Variants in MYO10 observed in about 807,000 individuals in gnomAD.
MYO10 encodes the protein unconventional myosin-X.
A neutral mutation model predicts 257.3 loss-of-function variants in MYO10; 133 were observed. That is an observed-to-expected ratio of 0.52 (90% CI 0.45 to 0.60). The LOEUF is 0.60. MYO10 is among the 20% of genes least tolerant of loss of function. The probability of loss-of-function intolerance (pLI) is 0.00; values close to 1 mark genes in which losing one functional copy is unlikely to be tolerated. For synonymous variants in MYO10, 1,104 were observed against 1,028.6 expected (o/e 1.07, Z -1.40); for missense variants, 2,399 against 2,635.7 (o/e 0.91, Z 1.97).
Position 16,701,786 on chromosome 5 carries a change from T to C in MYO10, c.2609A>G (p.Lys870Arg). 6.2e-7 allele frequency: 1 copy of C among 1,612,942 alleles called. No individual in the cohort carries two copies. Among genetic ancestry groups the C allele is most frequent in the South Asian group, 1.1e-5 (1 of 90,848 alleles). The change falls in exon 25 of 41, where the codon AAG becomes AGG. Residue 870 changes from lysine (K) to arginine (R), a missense_variant. Physicochemically the swap from Lys to Arg is conservative, Grantham distance 26. Around this residue, in one of 3 missense-constraint regions of MYO10, gnomAD observed 1,820 missense variants for 1,939.4 expected, o/e 0.94. Coordinates refer to ENST00000513610, the MANE Select transcript of MYO10 (RefSeq NM_012334.3). The surrounding 1 kb of genome is among the most constrained non-coding windows in gnomAD (Gnocchi z 8.1). ...QELEALQKSQ[K>R]EAELTRELEK... Reference sequence around the variant, plus strand: ...CAGTTCACGGGTCAGTTCAGCTTCCTTCTGGCTCTTCTGCAAGGCTTCGAG... The same window carrying C: ...CAGTTCACGGGTCAGTTCAGCTTCCCTCTGGCTCTTCTGCAAGGCTTCGAG...
chr5:16,758,796 G>A (rs1381239541), intron 17 of MYO10, among the ~76,000 whole-genome samples: 2 of 152,110 alleles, frequency 1.3e-5, no homozygotes, highest in African/African-American at 2.4e-5. Flanking sequence ...AGAATGAAAG[G>A]AGAACATGCA....
intron 1 of MYO10, among the ~76,000 whole-genome samples, chr5:16,912,173 G>C (rs1386857055): frequency 6.6e-6 from 1 of 152,124 alleles, no homozygotes; most frequent in Non-Finnish European, 1.5e-5. Context: ...CAAAAGATTG[G>C]ACACCCTGAT....
chr5:16,749,571 A>G (rs1740323174), intron 19 of MYO10, among the ~76,000 whole-genome samples: 1 of 151,962 alleles, frequency 6.6e-6, no homozygotes, highest in Non-Finnish European at 1.5e-5. Flanking sequence ...TCCCAGAAAC[A>G]TTAGGTGATT....
intron 36 of MYO10, among the ~76,000 whole-genome samples, 200 bp downstream of exon 36, chr5:16,673,482 T>C (rs1736568755): frequency 6.6e-6 from 1 of 152,182 alleles, no homozygotes; most frequent in Non-Finnish European, 1.5e-5. Context: ...TATCTCTGTG[T>C]TTCCACTCAA....
At chr5:16,896,052 G>GA (rs1198933390) in intron 1 of MYO10, among the ~76,000 whole-genome samples, 2 of 152,148 alleles carry the variant, frequency 1.3e-5, no homozygotes, top group East Asian at 3.9e-4. Context: ...TCTGCTCTCT[G>GA]AAAAATGGAG....
chr5:16,921,273 T>C (rs965941025), intron 1 of MYO10, among the ~76,000 whole-genome samples: 21 of 152,154 alleles, frequency 1.4e-4, no homozygotes, highest in African/African-American at 5.1e-4. Flanking sequence ...ACCTTTTTCC[T>C]AGTGGAGAAC....
At chr5:16,763,061 G>C (rs993452713) in intron 14 of MYO10, among the ~76,000 whole-genome samples, 3 of 151,632 alleles carry the variant, frequency 2.0e-5, no homozygotes, top group African/African-American at 7.3e-5. Context: ...TAAAAGAAAA[G>C]GCATGGTAAT....
chr5:16,852,560 T>C (rs1406478011), intron 2 of MYO10, among the ~76,000 whole-genome samples: 1 of 151,896 alleles, frequency 6.6e-6, no homozygotes, highest in African/African-American at 2.4e-5. Flanking sequence ...CCTAACCTGC[T>C]GGCTGACTAC....
At position 16,679,030 on chromosome 5, in the gene MYO10, C is replaced by T. The variant is rs115763505; in HGVS notation, c.4542+917G>A. On this transcript the variant is annotated intron_variant, in intron 33 of 40. Transcript: ENST00000513610. The stretch of plus-strand genomic sequence containing the variant: ...AGGGCTGCCATGCAACCATTCATTC[C>T]TTCATCTCACATAGATTTACTGAGC... Among the ~76,000 whole-genome samples the T allele has an allele frequency of 9.3e-3, 1,415 of 152,254 alleles. 25 individuals are homozygous for T. Among genetic ancestry groups the T allele is most frequent in the African/African-American group, 0.032 (1,336 of 41,536 alleles).
At chr5:16,876,850 C>T (rs1744618951) in intron 2 of MYO10, among the ~76,000 whole-genome samples, 1 of 152,162 alleles carries the variant, frequency 6.6e-6, no homozygotes, top group South Asian at 2.1e-4. Context: ...CCACTGTGCC[C>T]AGCCTGAACT....
chr5:16,919,531 T>C (rs955203636), intron 1 of MYO10, among the ~76,000 whole-genome samples: 8 of 152,280 alleles, frequency 5.3e-5, no homozygotes, highest in Non-Finnish European at 1.0e-4. Context: ...TCTCTAAGAC[T>C]CTGTGTTCTC....
intron 4 of MYO10, among the ~76,000 whole-genome samples, chr5:16,785,290 C>T (rs1216699615): frequency 6.6e-6 from 1 of 152,206 alleles, no homozygotes; most frequent in African/African-American, 2.4e-5. Context: ...GGCATCTGCT[C>T]GGCCCAGTGC....
intron 1 of MYO10, among the ~76,000 whole-genome samples, chr5:16,884,611 T>C (rs1201472147): frequency 4.0e-5 from 6 of 151,734 alleles, no homozygotes; most frequent in Admixed American, 6.6e-5. Flanking sequence ...CAGAAACGGG[T>C]TGTGAGCACC....
intron 1 of MYO10, among the ~76,000 whole-genome samples, chr5:16,886,051 A>G (rs1358710041): frequency 6.6e-6 from 1 of 152,196 alleles, no homozygotes; most frequent in Non-Finnish European, 1.5e-5. Context: ...ACAGGGTTTT[A>G]AACCCGAAGC....
chr5:16,823,449 G>A (rs1332667528), intron 2 of MYO10, among the ~76,000 whole-genome samples: 3 of 14,690 alleles, frequency 2.0e-4, no homozygotes, highest in African/African-American at 7.6e-4. Flanking sequence ...CATCTTGCGC[G>A]GGGGGGGGGG....
At chr5:16,858,092 A>G (rs779130211) in intron 2 of MYO10, among the ~76,000 whole-genome samples, 9 of 152,218 alleles carry the variant, frequency 5.9e-5, no homozygotes, top group Non-Finnish European at 1.3e-4. Context: ...GACCATAGCA[A>G]GGCCTTTCCA....
In MYO10 at chr5:16,701,898, C is replaced by A; in HGVS notation, c.2557-60G>T. ...TCAGTACAAAAGTCCAAGCATAGCT[C>A]CCGCTTTGCAACCAGGATGAAATAT... On this transcript the variant is annotated intron_variant, in intron 24 of 40. Coordinates refer to ENST00000513610, the MANE Select transcript of MYO10 (RefSeq NM_012334.3). This position sits in a 1 kb window ranked among gnomAD's most constrained non-coding sequence, Gnocchi z 8.1. The A allele has an allele frequency of 6.6e-7, 1 of 1,518,636 alleles. No homozygotes were observed. The highest frequency in any genetic ancestry group is 8.8e-7 in the Non-Finnish European group (1 of 1,137,022). The allele number at this position is 1,518,636 out of a possible 1,614,324, so 94.1% of individuals were successfully genotyped here. A position where few individuals can be genotyped will look rare whatever the true frequency, so the allele number is the denominator to read the frequency against.
chr5:16,809,978 C>T (rs1216683279), intron 3 of MYO10, among the ~76,000 whole-genome samples: 2 of 152,074 alleles, frequency 1.3e-5, no homozygotes, highest in Non-Finnish European at 1.5e-5. Context: ...CGCAACTGAC[C>T]CAGAGCTCCA....
chr5:16,922,138 C>T (rs554556393), intron 1 of MYO10, among the ~76,000 whole-genome samples: 3 of 151,526 alleles, frequency 2.0e-5, no homozygotes, highest in Admixed American at 6.6e-5. Flanking sequence ...CACTGGAACC[C>T]GGGAGGCAGA....
Sources: gnomAD v4.1 joint callset for allele counts (sites outside exome capture counted in the v4.1 genomes callset) on GRCh38, gnomAD v4.1.1 for gene constraint, gnomAD v4.1.1 regional missense constraint, Gnocchi (gnomAD v3.1) non-coding constraint, MANE v1.5 for transcripts, NCBI Gene and HGNC (gene_info 2026-07-23, HGNC 2026-07-21) for gene names.